Variants in CCT7 observed in about 807,000 individuals in gnomAD.
CCT7 encodes the protein chaperonin containing TCP1 subunit 7, also known as T-complex protein 1 subunit eta.
A neutral mutation model predicts 56.6 loss-of-function variants in CCT7; 16 were observed. The ratio of observed to expected loss-of-function variants is 0.28; its 90% confidence interval spans 0.19 to 0.43. CCT7 has a LOEUF of 0.43. CCT7 is among the 20% of genes least tolerant of loss of function. The pLI, the probability that CCT7 is intolerant of heterozygous loss-of-function variation, is 1.00. For synonymous variants in CCT7, 262 were observed against 254.8 expected (o/e 1.03, Z -0.27); for missense variants, 519 against 685.6 (o/e 0.76, Z 2.71).
intron 3 of CCT7, 129 bp downstream of exon 3, chr2:73,240,672 G>A: frequency 2.1e-6 from 1 of 474,406 alleles, no homozygotes; most frequent in South Asian, 4.5e-5. Context: ...GCTTATAAAA[G>A]TATTTAGAAT....
chr2:73,252,324 GATATATATATATATAT>G (rs57359293), intron 11 of CCT7, among the ~76,000 whole-genome samples: 1 of 127,320 alleles, frequency 7.9e-6, no homozygotes, highest in Non-Finnish European at 1.7e-5. Flanking sequence ...CTCATTGTTT[GATATATATATATATAT>G]ATATATATAT....
chr2:73,245,491 G>A (rs1195138040), intron 6 of CCT7, among the ~76,000 whole-genome samples: 2 of 152,196 alleles, frequency 1.3e-5, no homozygotes, highest in African/African-American at 4.8e-5. Flanking sequence ...CTGAAGAACT[G>A]AATCTTAATT....
rs991589802 is a variant in CCT7, at chr2:73,249,646, T to G, written c.973-173T>G. Among the ~76,000 whole-genome samples, 325 of 127,918 alleles carry G rather than the reference T, an allele frequency of 2.5e-3. 1 individual carries two copies. Among genetic ancestry groups the G allele is most frequent in the African/African-American group, 0.012 (297 of 25,520 alleles). 83.9% of individuals were successfully genotyped at this position (127,918 alleles called of 152,430 possible). ...TTTGATGTGTTTTAGTTCTATTTTG[T>G]TTTTTTTTTGCTCTTTCAGAGAGGG... On this transcript the variant is annotated intron_variant, in intron 8 of 11. Transcript: ENST00000258091.
chr2:73,250,467 C>G, intron 10 of CCT7, 29 bp downstream of exon 10: 1 of 1,612,086 alleles, frequency 6.2e-7, no homozygotes, highest in Non-Finnish European at 8.5e-7. Context: ...CCTGCTTGCA[C>G]AGCCTACTCT....
chr2:73,246,384 T>G (rs982469534), intron 6 of CCT7, among the ~76,000 whole-genome samples: 1 of 152,260 alleles, frequency 6.6e-6, no homozygotes, highest in Non-Finnish European at 1.5e-5. Context: ...AAAACCCTTC[T>G]GACTCCAGCC....
rs751218853 is a variant in CCT7 at position 73,239,747 on chromosome 2, A to C, written c.111A>C (p.Arg37Ser). The C allele has an allele frequency of 1.9e-6, 3 of 1,613,992 alleles. No homozygotes were observed. Among genetic ancestry groups the C allele is most frequent in the Non-Finnish European group, 2.5e-6 (3 of 1,179,874 alleles). Reference sequence around the variant, plus strand: ...GCCAGGTGATTGCTGAGGCTGTAAGAACTACCCTGGGTCCCCGTGGCATGG... The same window carrying C: ...GCCAGGTGATTGCTGAGGCTGTAAGCACTACCCTGGGTCCCCGTGGCATGG... ...SACQVIAEAV[R>S]TTLGPRGMDK... is the part of the protein sequence containing the mutation. Residue 37 changes from arginine (R) to serine (S), a missense_variant, in exon 2 of 12, where the codon AGA becomes AGC. Coordinates refer to ENST00000258091, the MANE Select transcript of CCT7 (RefSeq NM_006429.4).
At chr2:73,244,503 G>T in intron 5 of CCT7, 41 bp from the exon 6 acceptor site, 1 of 1,554,798 alleles carries the variant, frequency 6.4e-7, no homozygotes, top group South Asian at 1.2e-5. Context: ...AGAGGGATTT[G>T]GTTTTCAAGA....
Position 73,235,574 on chromosome 2 carries a change from T to G in CCT7, c.6+1190T>G, listed in dbSNP as rs1325514489. ...GCATTGCTCATTCTTGAAGTCGTCT[T>G]CATCTTCTGTGCAGAGGCAGCATAG... is the stretch of plus-strand genomic sequence containing the variant. On this transcript the variant is annotated intron_variant, in intron 1 of 11. Coordinates refer to ENST00000258091, the MANE Select transcript of CCT7 (RefSeq NM_006429.4). 4 of 1,001,908 alleles carry G rather than the reference T, an allele frequency of 4.0e-6. No individual in the cohort carries two copies. The African/African-American group carries it at 7.0e-5, about 17-fold the overall frequency. 62.1% of individuals were successfully genotyped at this position (1,001,908 alleles called of 1,614,324 possible). A position where few individuals can be genotyped will look rare whatever the true frequency, so the allele number is the denominator to read the frequency against.
chr2:73,244,699 A>T lies in CCT7; in HGVS notation c.602A>T (p.Gln201Leu). The change falls in exon 6 of 12, where the codon CAG becomes CTG. Residue 201 changes from glutamine to leucine, a missense_variant. Gln to Leu is a moderately radical substitution (Grantham distance 113, BLOSUM62 -2). Transcript: ENST00000258091. ...QLKMIGIKKVQGGALEDSQLV... is the reference protein window; with the variant it reads ...QLKMIGIKKVLGGALEDSQLV... The stretch of plus-strand genomic sequence containing the variant: ...AAAATGATTGGAATCAAGAAGGTAC[A>T]GGGTGGAGCCCTCGAGGTAAGCCTG... 6.2e-7 allele frequency: 1 copy of T among 1,612,304 alleles called. No homozygotes were observed. Among genetic ancestry groups the T allele is most frequent in the Non-Finnish European group, 8.5e-7 (1 of 1,178,770 alleles).
chr2:73,242,115 T>G (rs1342159688), intron 3 of CCT7, among the ~76,000 whole-genome samples: 3 of 151,518 alleles, frequency 2.0e-5, no homozygotes, highest in African/African-American at 4.9e-5. Flanking sequence ...TGACTGAAAG[T>G]TACCTTTTTT....
chr2:73,244,523 G>T (rs1458864129), intron 5 of CCT7, 21 bp from the exon 6 acceptor site: 1 of 1,595,184 alleles, frequency 6.3e-7, no homozygotes, highest in South Asian at 1.1e-5. Context: ...ACCTGATGCA[G>T]ATTCTGCCCT....
At chr2:73,244,149 C>A in intron 5 of CCT7, 100 bp downstream of exon 5, 3 of 1,149,238 alleles carry the variant, frequency 2.6e-6, no homozygotes, top group Non-Finnish European at 3.7e-6. Flanking sequence ...GATCTCCCAC[C>A]TGCGACTCCC....
Position 73,243,001 on chromosome 2 carries a change from C to T in CCT7, c.268-3C>T. 3.7e-6 allele frequency: 6 copies of T among 1,613,788 alleles called. No individual in the cohort carries two copies. The highest frequency in any genetic ancestry group is 5.1e-6 in the Non-Finnish European group (6 of 1,179,872). ...ACGTGTATTTCCTGTCATCATCTTC[C>T]AGGTGGGTGATGGCACCACCTCAGT... On this transcript the variant is annotated splice_region_variant and splice_polypyrimidine_tract_variant and intron_variant, in intron 3 of 11. Coordinates refer to ENST00000258091, the MANE Select transcript of CCT7 (RefSeq NM_006429.4).
At chr2:73,245,733 A>C (rs1046704180) in intron 6 of CCT7, among the ~76,000 whole-genome samples, 1 of 152,122 alleles carries the variant, frequency 6.6e-6, no homozygotes, top group African/African-American at 2.4e-5. Context: ...CTTCTCTTTA[A>C]ATTTTACCCT....
intron 10 of CCT7, among the ~76,000 whole-genome samples, chr2:73,250,719 A>G (rs78339323): frequency 8.6e-5 from 13 of 152,012 alleles, no homozygotes; most frequent in Non-Finnish European, 5.9e-5. Context: ...GGAGGGTTGC[A>G]TAAGACCAAG....
At chr2:73,235,689 G>T in intron 1 of CCT7, 2 of 324,036 alleles carry the variant, frequency 6.2e-6, no homozygotes, top group Non-Finnish European at 9.5e-6. Flanking sequence ...GTGACTTTGA[G>T]CATGTTATTT....
chr2:73,244,504 G>A (rs755076634), intron 5 of CCT7, 40 bp from the exon 6 acceptor site: 4 of 1,565,764 alleles, frequency 2.6e-6, no homozygotes, highest in Non-Finnish European at 3.5e-6. Context: ...GAGGGATTTG[G>A]TTTTCAAGAC....
At chr2:73,249,334 CAT>C (rs1449708988) in intron 8 of CCT7, among the ~76,000 whole-genome samples, 155 bp downstream of exon 8, 2 of 151,980 alleles carry the variant, frequency 1.3e-5, no homozygotes, top group African/African-American at 4.8e-5. Flanking sequence ...ATTCCATTTC[CAT>C]GTGTGTGTGC....
rs1420005877 is a variant in CCT7, at chr2:73,247,743, G to A, written c.619-19G>A. On this transcript the variant is annotated intron_variant, in intron 6 of 11. Transcript: ENST00000258091. The stretch of plus-strand genomic sequence containing the variant: ...CATGTTAGTACCAAACCATTAAAGT[G>A]TTTGTTTTTTTAAAACAGGATTCTC... 1 of 1,611,210 alleles carries A rather than the reference G, an allele frequency of 6.2e-7. No individual in the cohort carries two copies. The highest frequency in any genetic ancestry group is 8.5e-7 in the Non-Finnish European group (1 of 1,177,788).
Sources: gnomAD v4.1 joint callset for allele counts (sites outside exome capture counted in the v4.1 genomes callset) on GRCh38, gnomAD v4.1.1 for gene constraint, MANE v1.5 for transcripts, NCBI Gene and HGNC (gene_info 2026-07-23, HGNC 2026-07-21) for gene names.